KIAA1549: variants seen among roughly 807,000 people sequenced by gnomAD.
The protein encoded by KIAA1549 is KIAA1549.
Under a neutral mutation model 156.4 loss-of-function variants are expected in KIAA1549, and 70 were observed. The observed-to-expected ratio is 0.45, with a 90% CI of 0.37 to 0.55. The LOEUF (loss-of-function observed/expected upper bound fraction) is 0.55, where lower values mean the gene tolerates loss of function less well. Ranked by LOEUF, KIAA1549 falls within the 20% of genes least tolerant of loss-of-function variation. The probability of loss-of-function intolerance (pLI) is 0.00; values close to 1 mark genes in which losing one functional copy is unlikely to be tolerated. For missense variants in KIAA1549, 2,428 were observed against 2,540.9 expected, an observed-to-expected ratio of 0.96 and a Z score of 0.96; for synonymous variants, 1,103 against 1,066.4, an observed-to-expected ratio of 1.03 and a Z score of -0.67.
At chr7:138,968,530 T>C (rs1015199821) in intron 1 of KIAA1549, among the ~76,000 whole-genome samples, 1 of 152,062 alleles carries the variant, frequency 6.6e-6, no homozygotes, top group Non-Finnish European at 1.5e-5. Context: ...ATCTAGTACA[T>C]CCCAAGTATA....
At chr7:138,966,361 G>A (rs1814024384) in intron 1 of KIAA1549, among the ~76,000 whole-genome samples, 1 of 152,050 alleles carries the variant, frequency 6.6e-6, no homozygotes, top group Admixed American at 6.6e-5. Flanking sequence ...ATTAGTCAGG[G>A]TTCTCTAGAG....
Position 138,844,144 on chromosome 7 carries a change from G to A in KIAA1549, c.5452+173C>T, listed in dbSNP as rs114733697. Among the ~76,000 whole-genome samples the A allele has an allele frequency of 2.7e-3, 413 of 152,272 alleles. 5 individuals carry two copies. The highest frequency in any genetic ancestry group is 9.3e-3 in the African/African-American group (385 of 41,556). On this transcript the variant is annotated intron_variant, in intron 18 of 19. Transcript: ENST00000422774. ...GAGCCAATCAGCAGACAGCAGCTTT[G>A]GGAGCTCCGCCTCTCTCTCCGCCTC...
intron 12 of KIAA1549, among the ~76,000 whole-genome samples, chr7:138,878,714 A>G (rs752108131): frequency 2.6e-5 from 4 of 151,692 alleles, no homozygotes; most frequent in Non-Finnish European, 4.4e-5. Flanking sequence ...GTGAGCCGGG[A>G]CTGTGCCACT....
rs115212077 is a variant in KIAA1549, at chr7:138,953,776, A to G, written c.187+27307T>C. Among the ~76,000 whole-genome samples, 1,151 of 152,352 alleles carry G rather than the reference A, an allele frequency of 7.6e-3. 26 individuals carry two copies. Among genetic ancestry groups the G allele is most frequent in the African/African-American group, 0.026 (1,099 of 41,582 alleles). On this transcript the variant is annotated intron_variant, in intron 1 of 19. Coordinates refer to ENST00000422774, the MANE Select transcript of KIAA1549 (RefSeq NM_001164665.2). Reference sequence around the variant, plus strand: ...TCTCATCTATCTTCCATACAATACAAATACATACACAATAAAATAAACTAA... The same window carrying G: ...TCTCATCTATCTTCCATACAATACAGATACATACACAATAAAATAAACTAA...
intron 1 of KIAA1549, among the ~76,000 whole-genome samples, chr7:138,940,426 T>G (rs1184168922): frequency 6.7e-6 from 1 of 149,878 alleles, no homozygotes; most frequent in African/African-American, 2.4e-5. Flanking sequence ...GTTGGACATT[T>G]GGGTTGGTTC....
At chr7:138,925,957 C>T (rs920296038) in intron 1 of KIAA1549, among the ~76,000 whole-genome samples, 9 of 152,162 alleles carry the variant, frequency 5.9e-5, no homozygotes, top group East Asian at 1.9e-4. Flanking sequence ...TCTGAAGCCC[C>T]GCAGTCCACC....
chr7:138,966,661 C>G (rs1032199504), intron 1 of KIAA1549, among the ~76,000 whole-genome samples: 1 of 151,906 alleles, frequency 6.6e-6, no homozygotes, highest in African/African-American at 2.4e-5. Flanking sequence ...TGTGCTCACC[C>G]AGATTAAGGG....
chr7:138,868,148 T>C lies in KIAA1549; in HGVS notation c.4776-20A>G, dbSNP rs1810809390. On this transcript the variant is annotated intron_variant, in intron 14 of 19. Coordinates refer to ENST00000422774, the MANE Select transcript of KIAA1549 (RefSeq NM_001164665.2). ...CGTGAGCTGCCAGGAAAAAGAGAAA[T>C]TATCTTCGTAGGAAATCACCCTTTT... is the stretch of plus-strand genomic sequence containing the variant. 3.1e-6 allele frequency: 5 copies of C among 1,606,646 alleles called. No individual in the cohort carries two copies. The highest frequency in any genetic ancestry group is 4.2e-6 in the Non-Finnish European group (5 of 1,177,248).
At chr7:138,962,994 T>TA (rs1813899659) in intron 1 of KIAA1549, among the ~76,000 whole-genome samples, 1 of 152,206 alleles carries the variant, frequency 6.6e-6, no homozygotes, top group Admixed American at 6.5e-5. Flanking sequence ...GATAGTCACT[T>TA]ACGTACAGAA....
At chr7:138,938,189 C>T (rs1236423064) in intron 1 of KIAA1549, among the ~76,000 whole-genome samples, 2 of 152,132 alleles carry the variant, frequency 1.3e-5, no homozygotes, top group Non-Finnish European at 2.9e-5. Context: ...AGGAACAAGC[C>T]CTCACCAGAA....
intron 1 of KIAA1549, among the ~76,000 whole-genome samples, chr7:138,944,083 T>A (rs1813274008): frequency 6.6e-6 from 1 of 151,786 alleles, no homozygotes; most frequent in African/African-American, 2.4e-5. Flanking sequence ...TAGCATTTTT[T>A]TTTTTGTCTA....
chr7:138,856,056 G>C (rs1418602258), intron 16 of KIAA1549, among the ~76,000 whole-genome samples: 3 of 146,522 alleles, frequency 2.0e-5, no homozygotes, highest in Non-Finnish European at 4.5e-5. Context: ...TTTTGAGACA[G>C]AGTCTCACTC....
intron 5 of KIAA1549, among the ~76,000 whole-genome samples, chr7:138,908,266 A>C (rs1325721322): frequency 6.6e-6 from 1 of 152,182 alleles, no homozygotes; most frequent in Non-Finnish European, 1.5e-5. Context: ...CAGAAGACGC[A>C]TTTTAACAAT....
At chr7:138,859,386 G>A (rs373738014) in intron 16 of KIAA1549, among the ~76,000 whole-genome samples, 1 of 152,148 alleles carries the variant, frequency 6.6e-6, no homozygotes, top group Non-Finnish European at 1.5e-5. Context: ...TCCATAGCAA[G>A]AGCTTATTCC....
At chr7:138,968,618 C>T (rs1041793158) in intron 1 of KIAA1549, among the ~76,000 whole-genome samples, 10 of 151,808 alleles carry the variant, frequency 6.6e-5, no homozygotes, top group African/African-American at 2.4e-4. Flanking sequence ...GAGGCCGAGG[C>T]GGGCAGATCA....
In KIAA1549 at chr7:138,894,484, T is replaced by C. The variant is rs904843871; in HGVS notation, c.3890A>G (p.Asn1297Ser). The C allele has an allele frequency of 1.3e-5, 21 of 1,613,900 alleles. No homozygotes were observed. The highest frequency in any genetic ancestry group is 1.6e-5 in the Non-Finnish European group (19 of 1,179,898). ...VKRPSPESQS[N>S]NLWVIVGVVI... ...CACGCCAACAATGACCCACAAGTTG[T>C]TGCTCTGGGATTCCGGAGACGGCCT... The change falls in exon 10 of 20, where the codon AAC (asparagine) becomes AGC (serine). Residue 1297 changes from asparagine to serine, a missense_variant. Asn to Ser is a conservative substitution (Grantham distance 46). Transcript: ENST00000422774.
At chr7:138,963,202 C>T (rs550281188) in intron 1 of KIAA1549, among the ~76,000 whole-genome samples, 3 of 152,316 alleles carry the variant, frequency 2.0e-5, no homozygotes, top group African/African-American at 7.2e-5. Flanking sequence ...CACTGGCAAA[C>T]CCAAAACAAA....
chr7:138,893,749 A>G (rs1240628049), intron 10 of KIAA1549, among the ~76,000 whole-genome samples: 1 of 152,252 alleles, frequency 6.6e-6, no homozygotes, highest in Non-Finnish European at 1.5e-5. Flanking sequence ...CTTGGCTCCT[A>G]TCCTCTGAAA....
At chr7:138,928,421 A>C (rs773576900) in intron 1 of KIAA1549, among the ~76,000 whole-genome samples, 2 of 150,392 alleles carry the variant, frequency 1.3e-5, no homozygotes, top group Non-Finnish European at 3.0e-5. Flanking sequence ...CGAGTAGCTG[A>C]GACTATAGGC....
Sources: allele counts gnomAD v4.1 joint callset (sites outside exome capture counted in the v4.1 genomes callset), GRCh38; gene constraint gnomAD v4.1.1; transcripts MANE v1.5; gene names NCBI Gene and HGNC (gene_info 2026-07-23, HGNC 2026-07-21).